AK6: variants seen among roughly 807,000 people sequenced by gnomAD.
AK6 encodes adenylate kinase 6, also known as adenylate kinase isoenzyme 6.
AK6 carries 24 observed loss-of-function variants against 23.7 expected under a neutral mutation model. The ratio of observed to expected loss-of-function variants is 1.01; its 90% confidence interval spans 0.73 to 1.43. The LOEUF (loss-of-function observed/expected upper bound fraction) is 1.43. Ranked by LOEUF, AK6 falls within the 40% of genes most tolerant of loss-of-function variation. AK6 has a pLI of 0.00. For missense variants in AK6, 191 were observed against 199.1 expected (o/e 0.96, Z 0.24); for synonymous variants, 73 against 69.8 (o/e 1.05, Z -0.23).
chr5:69,364,198 AT>A (rs1391473929), intron 2 of AK6, among the ~76,000 whole-genome samples: 4 of 151,420 alleles, frequency 2.6e-5, no homozygotes, highest in Admixed American at 6.6e-5. Flanking sequence ...GGACAAAAAA[AT>A]ATTTTAAATT....
chr5:69,365,013 T>G (rs1762356692), intron 2 of AK6: 1 of 1,614,174 alleles, frequency 6.2e-7, no homozygotes, highest in Non-Finnish European at 8.5e-7. Flanking sequence ...TTTCAATGCA[T>G]TTGATGATTC....
chr5:69,367,490 CAG>C (rs1485842496), intron 1 of AK6, among the ~76,000 whole-genome samples: 1 of 131,388 alleles, frequency 7.6e-6, no homozygotes, highest in East Asian at 2.3e-4. Context: ...AGCCTGGCGA[CAG>C]AGACTCCATC....
At chr5:69,368,412 C>T (rs1371863912) in intron 1 of AK6, among the ~76,000 whole-genome samples, 1 of 152,214 alleles carries the variant, frequency 6.6e-6, no homozygotes, top group East Asian at 1.9e-4. Context: ...CACTATAATA[C>T]ACCAAGTCTG....
chr5:69,364,674 C>G (rs546354049), intron 2 of AK6: 2 of 544,006 alleles, frequency 3.7e-6, no homozygotes, highest in Non-Finnish European at 6.5e-6. Context: ...CAACTGCCAA[C>G]TGTTACTCCT....
intron 2 of AK6, chr5:69,364,965 T>C (rs1403711392): frequency 6.2e-7 from 1 of 1,612,376 alleles, no homozygotes. Context: ...ATAGTCATCA[T>C]CATCATCATC....
chr5:69,363,645 G>A (rs1015606685), intron 2 of AK6, among the ~76,000 whole-genome samples: 11 of 151,820 alleles, frequency 7.2e-5, no homozygotes, highest in Non-Finnish European at 1.2e-4. Context: ...TTAGCTGGGC[G>A]TGGTGGCAGG....
At chr5:69,361,946 C>A (rs1483448777) in intron 2 of AK6, among the ~76,000 whole-genome samples, 3 of 150,022 alleles carry the variant, frequency 2.0e-5, no homozygotes, top group African/African-American at 4.9e-5. Flanking sequence ...CCACCCCCGG[C>A]CAGTTTTCTT....
In AK6 at chr5:69,351,418, G is replaced by C. The variant is rs781653238; in HGVS notation, c.*643C>G. ...AGAACAGGGAGGTCTGTACTGAGAT[G>C]ATATAATCTTCAAATATAGTAAGTG... On this transcript the variant is annotated 3_prime_UTR_variant, in exon 5 of 5. Transcript: ENST00000380822. 1.1e-4 allele frequency: 16 copies of C among 152,142 alleles called. No homozygotes were observed. Among genetic ancestry groups the C allele is most frequent in the Admixed American group, 6.6e-4 (10 of 15,262 alleles). The allele number at this position is 152,142 out of a possible 1,614,324, so 9.4% of individuals were successfully genotyped here. A position where few individuals can be genotyped will look rare whatever the true frequency, so the allele number is the denominator to read the frequency against.
chr5:69,353,147 G>A (rs1175406716), intron 4 of AK6, among the ~76,000 whole-genome samples: 2 of 152,030 alleles, frequency 1.3e-5, no homozygotes, highest in Non-Finnish European at 2.9e-5. Context: ...AGGCATAAAA[G>A]TCCACATCCT....
upstream of AK6, chr5:69,369,777 C>T: frequency 6.9e-7 from 1 of 1,443,596 alleles, no homozygotes; most frequent in South Asian, 1.2e-5. Context: ...GGTCCCCGCC[C>T]TTCGCTTGCG....
At chr5:69,353,517 C>T (rs1052232895) in intron 4 of AK6, among the ~76,000 whole-genome samples, 9 of 152,066 alleles carry the variant, frequency 5.9e-5, no homozygotes, top group African/African-American at 1.4e-4. Flanking sequence ...AGGCTGGTCT[C>T]GAACTCCTGA....
intron 4 of AK6, among the ~76,000 whole-genome samples, chr5:69,354,461 AT>A (rs1169154764): frequency 6.6e-6 from 1 of 152,222 alleles, no homozygotes; most frequent in African/African-American, 2.4e-5. Flanking sequence ...AAAACCACAC[AT>A]TCTGACCCCG....
chr5:69,369,498 G>C lies in AK6; in HGVS notation c.-8C>G. 1 of 1,611,562 alleles carries C rather than the reference G, an allele frequency of 6.2e-7. No individual in the cohort carries two copies. On this transcript the variant is annotated 5_prime_UTR_variant, in exon 1 of 5. Coordinates refer to ENST00000380822, the MANE Select transcript of AK6 (RefSeq NM_016283.5). ...GATGTTCGGAAGCAACATGGTCCCC[G>C]CCGCGACGGCTTCGGGCGCCTCGCT...
rs1487970284 is a variant in AK6, at chr5:69,352,187, T to G, written c.393A>C (p.Glu131Asp). The change falls in exon 5 of 5, where the codon GAA becomes GAC. Residue 131 changes from glutamate to aspartate, a missense_variant. Physicochemically the swap from Glu to Asp is conservative, Grantham distance 45. Coordinates refer to ENST00000380822, the MANE Select transcript of AK6 (RefSeq NM_016283.5). ...QCEIFQVLYE[E>D]ATASYKEEIV... is the part of the protein sequence containing the mutation. Reference sequence around the variant, plus strand: ...TTTCTTCCTTGTAGGATGCTGTGGCTTCTTCATAAAGAACTTGAAAAATCT... The same window carrying G: ...TTTCTTCCTTGTAGGATGCTGTGGCGTCTTCATAAAGAACTTGAAAAATCT... 1 of 1,613,904 alleles carries G rather than the reference T, an allele frequency of 6.2e-7. No homozygotes were observed. The highest frequency in any genetic ancestry group is 8.5e-7 in the Non-Finnish European group (1 of 1,179,946).
intron 2 of AK6, 76 bp from the exon 3 acceptor site, chr5:69,356,029 CAGGAA>C (rs1762076670): frequency 1.6e-6 from 2 of 1,264,530 alleles, no homozygotes; most frequent in Admixed American, 4.5e-5. Flanking sequence ...TTCTAGACTT[CAGGAA>C]AGGAAATGTA....
chr5:69,358,095 C>T (rs1288295123), intron 2 of AK6, among the ~76,000 whole-genome samples: 2 of 152,094 alleles, frequency 1.3e-5, no homozygotes, highest in Non-Finnish European at 2.9e-5. Context: ...TTTCCATATA[C>T]TATTTTTACA....
At chr5:69,365,261 A>G (rs779258687) in intron 2 of AK6, 9 of 1,614,068 alleles carry the variant, frequency 5.6e-6, no homozygotes, top group Non-Finnish European at 7.6e-6. Flanking sequence ...CTAGTGTGGG[A>G]GTACTTGGTC....
intron 2 of AK6, among the ~76,000 whole-genome samples, chr5:69,358,011 ACACAAAAAGCAGAATT>A (rs1464326832): frequency 1.3e-5 from 2 of 152,226 alleles, no homozygotes; most frequent in African/African-American, 4.8e-5. Context: ...CAAGTGTAAA[ACACAAAAAGCAGAATT>A]CAAAGTTGTC....
At chr5:69,364,848 T>C (rs942693718) in intron 2 of AK6, 26 of 1,157,580 alleles carry the variant, frequency 2.2e-5, no homozygotes, top group Non-Finnish European at 2.8e-5. Context: ...TTATTAGTTT[T>C]CTAAAACACA....
Sources: allele counts gnomAD v4.1 joint callset (sites outside exome capture counted in the v4.1 genomes callset), GRCh38; gene constraint gnomAD v4.1.1; transcripts MANE v1.5; gene names NCBI Gene and HGNC (gene_info 2026-07-23, HGNC 2026-07-21).